POSTN: variants seen among roughly 807,000 people sequenced by gnomAD.
The protein encoded by POSTN is periostin.
Under a neutral mutation model 104.5 loss-of-function variants are expected in POSTN, and 71 were observed. The ratio of observed to expected loss-of-function variants is 0.68; its 90% CI spans 0.56 to 0.83. The LOEUF (loss-of-function observed/expected upper bound fraction) is 0.83, where lower values mean the gene tolerates loss of function less well. Among genes scored for constraint, POSTN ranks in the 40% least tolerant of loss-of-function variants. POSTN has a pLI of 0.00. For missense variants in POSTN, 949 were observed against 1,006.8 expected, an observed-to-expected ratio of 0.94 and a Z score of 0.78; for synonymous variants, 355 against 340.7, an observed-to-expected ratio of 1.04 and a Z score of -0.46.
At position 37,584,738 on chromosome 13, in the gene POSTN, A is replaced by T; in HGVS notation, c.1086T>A (p.Asp362Glu). Residue 362 changes from aspartate to glutamate, a missense_variant, in exon 8 of 23, where the codon GAT becomes GAA. Coordinates refer to ENST00000379747, the MANE Select transcript of POSTN (RefSeq NM_006475.3). ...TACCAGAATCAGGAATTAGGACCTGATCAATCAAATGGATCACACCATTAT... is the reference window on the plus strand; with the variant it reads ...TACCAGAATCAGGAATTAGGACCTGTTCAATCAAATGGATCACACCATTAT... Reference protein sequence around the residue: ...VTNNGVIHLIDQVLIPDSAKQ... With the variant: ...VTNNGVIHLIEQVLIPDSAKQ... 6.2e-7 allele frequency: 1 copy of T among 1,613,838 alleles called. No homozygotes were observed. Among genetic ancestry groups the T allele is most frequent in the Non-Finnish European group, 8.5e-7 (1 of 1,179,830 alleles).
intron 17 of POSTN, among the ~76,000 whole-genome samples, chr13:37,574,323 A>G (rs535895977): frequency 6.6e-6 from 1 of 151,974 alleles, no homozygotes; most frequent in East Asian, 1.9e-4. Flanking sequence ...AAGTTAATGC[A>G]ATGCCAATTA....
At chr13:37,581,971 A>G (rs1353501322) in intron 10 of POSTN, among the ~76,000 whole-genome samples, 1 of 152,238 alleles carries the variant, frequency 6.6e-6, no homozygotes, top group African/African-American at 2.4e-5. Flanking sequence ...AACACCTTGT[A>G]AAACATTTAT....
chr13:37,597,297 GA>G lies in POSTN; in HGVS notation c.120-16del. ...AGACATTTGGGCTGGAGGATAGAGGGAAAGGAAAAAAGTTAATGTCCTAATA... is the reference window on the plus strand; with the variant it reads ...AGACATTTGGGCTGGAGGATAGAGGGAAGGAAAAAAGTTAATGTCCTAATA... On this transcript the variant is annotated splice_polypyrimidine_tract_variant and intron_variant, in intron 1 of 22. Transcript: ENST00000379747. The G allele has an allele frequency of 6.5e-7, 1 of 1,537,256 alleles. No individual in the cohort carries two copies. Among genetic ancestry groups the G allele is most frequent in the Non-Finnish European group, 8.8e-7 (1 of 1,137,852 alleles).
chr13:37,565,883 A>G (rs952113403), intron 21 of POSTN, among the ~76,000 whole-genome samples: 1 of 152,166 alleles, frequency 6.6e-6, no homozygotes. Flanking sequence ...TCAAGAAGAG[A>G]CAGATCCAAC....
intron 19 of POSTN, 29 bp from the exon 20 acceptor site, chr13:37,569,850 A>C (rs1950214720): frequency 6.8e-7 from 1 of 1,474,048 alleles, no homozygotes; most frequent in Non-Finnish European, 9.4e-7. Context: ...AAAAGGTCTA[A>C]AACAGAAGTA....
chr13:37,585,757 G>A (rs1181129431), intron 7 of POSTN, among the ~76,000 whole-genome samples: 1 of 152,108 alleles, frequency 6.6e-6, no homozygotes, highest in Non-Finnish European at 1.5e-5. Flanking sequence ...AGTAATTAGA[G>A]GCCCAAGAGA....
At chr13:37,580,842 G>T in intron 10 of POSTN, 145 bp from the exon 11 acceptor site, 3 of 877,258 alleles carry the variant, frequency 3.4e-6, no homozygotes, top group Non-Finnish European at 5.2e-6. Flanking sequence ...TCTTTCCTCT[G>T]TTTTCAATGG....
chr13:37,564,497 T>A (rs1950031947), intron 22 of POSTN, 22 bp downstream of exon 22: 6 of 1,469,800 alleles, frequency 4.1e-6, no homozygotes, highest in Middle Eastern at 1.7e-4. Context: ...TATACACACA[T>A]TACTATAGCC....
chr13:37,581,615 C>T (rs1163886989), intron 10 of POSTN, among the ~76,000 whole-genome samples: 1 of 151,998 alleles, frequency 6.6e-6, no homozygotes, highest in Admixed American at 6.6e-5. Context: ...CCTAGCTACT[C>T]AGAAGACCGA....
rs1158619251 is a variant in POSTN, at chr13:37,569,329, T to A, written c.2402A>T (p.Asp801Val). The part of the protein sequence containing the change: ...IEGGDGHLFE[D>V]EEIKRLLQGD... ...CTGAAGCAGTCTTTTAATTTCTTCA[T>A]CTTCAAATAAATGACCATCACCACC... Residue 801 changes from aspartate (D) to valine (V), a missense_variant, in exon 21 of 23, where the codon GAT becomes GTT. Physicochemically the swap from Asp to Val is radical, Grantham distance 152. Coordinates refer to ENST00000379747, the MANE Select transcript of POSTN (RefSeq NM_006475.3). The A allele has an allele frequency of 3.1e-6, 5 of 1,612,806 alleles. No homozygotes were observed. Among genetic ancestry groups the A allele is most frequent in the Middle Eastern group, 3.3e-4 (2 of 6,054 alleles).
At chr13:37,590,593 T>C (rs1192673243) in intron 3 of POSTN, 64 bp from the exon 4 acceptor site, 2 of 1,343,540 alleles carry the variant, frequency 1.5e-6, no homozygotes, top group African/African-American at 2.9e-5. Context: ...TTCATAATCA[T>C]TTAAACTTTA....
intron 21 of POSTN, among the ~76,000 whole-genome samples, chr13:37,567,192 C>A (rs1950133990): frequency 8.1e-6 from 1 of 123,144 alleles, no homozygotes; most frequent in African/African-American, 3.2e-5. Context: ...GCCGAGATCC[C>A]GCCACTGCAC....
chr13:37,586,304 G>A (rs1330616661), intron 6 of POSTN, 24 bp from the exon 7 acceptor site: 1 of 1,601,066 alleles, frequency 6.2e-7, no homozygotes, highest in Admixed American at 1.7e-5. Context: ...GTGCTTTTCA[G>A]AGACTTTCAC....
intron 15 of POSTN, among the ~76,000 whole-genome samples, chr13:37,578,402 A>G (rs1440345791): frequency 6.6e-6 from 1 of 152,196 alleles, no homozygotes; most frequent in Non-Finnish European, 1.5e-5. Context: ...CATAAACAAC[A>G]AAGAGTAATC....
Position 37,579,166 on chromosome 13 carries a change from A to T in POSTN, c.1792-45T>A, listed in dbSNP as rs374102955. 162 of 1,602,276 alleles carry T rather than the reference A, an allele frequency of 1.0e-4. 1 individual carries two copies. Among genetic ancestry groups the T allele is most frequent in the Admixed American group, 1.7e-5 (1 of 59,894 alleles). On this transcript the variant is annotated intron_variant, in intron 13 of 22. Coordinates refer to ENST00000379747, the MANE Select transcript of POSTN (RefSeq NM_006475.3). ...TTTCAATGAGGAAATTTCATTAAGG[A>T]TGAATATTTAGATAACTTAATGATG...
At chr13:37,584,587 G>A (rs1051128734) in intron 8 of POSTN, 129 bp downstream of exon 8, 9 of 741,318 alleles carry the variant, frequency 1.2e-5, no homozygotes. Flanking sequence ...ACTATTTATT[G>A]TGTTAGTGCT....
intron 21 of POSTN, among the ~76,000 whole-genome samples, chr13:37,566,613 C>T (rs1950109002): frequency 6.6e-6 from 1 of 152,134 alleles, no homozygotes; most frequent in African/African-American, 2.4e-5. Context: ...GAATGCAGAC[C>T]TACAACTCGA....
At chr13:37,574,791 C>A in intron 16 of POSTN, 139 bp from the exon 17 acceptor site, 1 of 1,149,488 alleles carries the variant, frequency 8.7e-7, no homozygotes, top group Non-Finnish European at 1.2e-6. Context: ...CAGTCAGATA[C>A]AGGAAATATT....
Position 37,569,744 on chromosome 13 carries a change from C to T in POSTN, c.2347G>A (p.Glu783Lys), listed in dbSNP as rs1038159113. The change falls in exon 20 of 23, where the codon GAG becomes AAG. Residue 783 changes from glutamate (E) to lysine (K), a missense_variant and splice_region_variant. Transcript: ENST00000379747. Reference sequence around the variant, plus strand: ...TTCTTATTTTCCTAGAAATGCTGACCTTCTTGTAACAATTTCTTCAGAGTT... The same window carrying T: ...TTCTTATTTTCCTAGAAATGCTGACTTTCTTGTAACAATTTCTTCAGAGTT... ...EETLKKLLQE[E>K]VTKVTKFIEG... The T allele has an allele frequency of 9.5e-6, 15 of 1,586,726 alleles. No homozygotes were observed. Among genetic ancestry groups the T allele is most frequent in the South Asian group, 7.7e-5 (7 of 90,484 alleles).
Sources: gnomAD v4.1 joint callset for allele counts (sites outside exome capture counted in the v4.1 genomes callset) on GRCh38, gnomAD v4.1.1 for gene constraint, MANE v1.5 for transcripts, NCBI Gene and HGNC (gene_info 2026-07-23, HGNC 2026-07-21) for gene names.